The following FBN1 variants were observed in gnomAD, a reference collection of about 807,000 sequenced individuals.
FBN1 encodes the protein fibrillin-1.
Under a neutral mutation model 365.1 loss-of-function variants are expected in FBN1, and 29 were observed. The ratio of observed to expected loss-of-function variants is 0.08; its 90% CI spans 0.06 to 0.11. FBN1 has a LOEUF of 0.11. FBN1 is among the 10% of genes least tolerant of loss of function. FBN1 has a pLI of 1.00. For missense variants in FBN1, 2,476 were observed against 3,703.2 expected, an observed-to-expected ratio of 0.67 and a Z score of 8.60; for synonymous variants, 1,210 against 1,270.5, an observed-to-expected ratio of 0.95 and a Z score of 1.01.
At position 48,420,771 on chromosome 15, in the gene FBN1, G is replaced by A. The variant is rs1483255856; in HGVS notation, c.7735C>T (p.His2579Tyr). Residue 2579 changes from histidine (H) to tyrosine (Y), a missense_variant, in exon 63 of 66, where the codon CAT becomes TAT. His to Tyr is a moderately conservative substitution (Grantham distance 83). Transcript: ENST00000316623. ...CCCCCAATGATGTTCTGGCAGCCAT[G>A]CTGGCAGCGGTGGTTACCCTCACAC... ...DECEGNHRCQ[H>Y]GCQNIIGGYR... 3 of 1,613,970 alleles carry A rather than the reference G, an allele frequency of 1.9e-6. No homozygotes were observed. Among genetic ancestry groups the A allele is most frequent in the Non-Finnish European group, 2.5e-6 (3 of 1,179,998 alleles).
intron 6 of FBN1, among the ~76,000 whole-genome samples, chr15:48,539,655 G>C (rs868052686): frequency 3.9e-5 from 6 of 152,210 alleles, no homozygotes; most frequent in Middle Eastern, 3.4e-3. Flanking sequence ...GTCAAAAATT[G>C]TGTGAGTGAT....
Position 48,454,388 on chromosome 15 carries a change from T to C in FBN1, c.5423-1704A>G, listed in dbSNP as rs7180238. 3.2e-3 allele frequency among the ~76,000 whole-genome samples: 486 copies of C among 152,342 alleles called. 1 individual carries two copies. Among genetic ancestry groups the C allele is most frequent in the African/African-American group, 0.011 (472 of 41,582 alleles). On this transcript the variant is annotated intron_variant, in intron 44 of 65. Transcript: ENST00000316623. The stretch of plus-strand genomic sequence containing the variant: ...TTAAAACAGAAAAGATTTTGGATAA[T>C]GGATATTGTGTGTTCCAGAGTTTTG...
chr15:48,530,739 G>C (rs1178871115), intron 8 of FBN1, among the ~76,000 whole-genome samples: 1 of 152,134 alleles, frequency 6.6e-6, no homozygotes, highest in Admixed American at 6.5e-5. Flanking sequence ...GTAGCCATGA[G>C]ATAAATATGC....
rs573659656 is a variant in FBN1, at chr15:48,547,199, T to C, written c.539-9391A>G. On this transcript the variant is annotated intron_variant, in intron 6 of 65. Coordinates refer to ENST00000316623, the MANE Select transcript of FBN1 (RefSeq NM_000138.5). ...CTTTTTGTGAGCAAGCATTTACTCC[T>C]ATCATATTCAGACATTTATGTATAA... Among the ~76,000 whole-genome samples, 9 of 152,332 alleles carry C rather than the reference T, an allele frequency of 5.9e-5. 1 individual carries two copies. The highest frequency in any genetic ancestry group is 2.2e-4 in the African/African-American group (9 of 41,578).
At chr15:48,581,854 G>T (rs2044394596) in intron 6 of FBN1, among the ~76,000 whole-genome samples, 1 of 152,100 alleles carries the variant, frequency 6.6e-6, no homozygotes, top group African/African-American at 2.4e-5. Flanking sequence ...CCCATAGTCT[G>T]GGCTGACTGA....
Position 48,505,021 on chromosome 15 carries a change from T to C in FBN1, c.1960+4A>G, listed in dbSNP as rs1397362967. The C allele has an allele frequency of 6.2e-7, 1 of 1,614,008 alleles. No individual in the cohort carries two copies. The highest frequency in any genetic ancestry group is 1.7e-5 in the Admixed American group (1 of 60,004). On this transcript the variant is annotated splice_donor_region_variant and intron_variant, in intron 16 of 65. Transcript: ENST00000316623. ...TCATAAGGTTAGCCATGATGTTTTC[T>C]TACCAACACACACACGGCCATCCAG...
chr15:48,519,076 T>G (rs1216293977), intron 10 of FBN1, among the ~76,000 whole-genome samples: 1 of 152,154 alleles, frequency 6.6e-6, no homozygotes, highest in Non-Finnish European at 1.5e-5. Flanking sequence ...GGAATCCACA[T>G]CAAAGCTGCT....
At position 48,514,973 on chromosome 15, in the gene FBN1, G is replaced by A. The variant is rs1026193580; in HGVS notation, c.1468+414C>T. Among the ~76,000 whole-genome samples, 8 of 152,302 alleles carry A rather than the reference G, an allele frequency of 5.3e-5. No individual in the cohort carries two copies. The East Asian group carries it at 1.5e-3, about 29-fold the overall frequency. ...TGATCTTGAGATGGAGAGTCTCCTG[G>A]ATTATACAGGTGGCCAAATGCAGTC... On this transcript the variant is annotated intron_variant, in intron 12 of 65. Transcript: ENST00000316623.
At chr15:48,592,786 T>C (rs1164462170) in intron 6 of FBN1, among the ~76,000 whole-genome samples, 2 of 152,140 alleles carry the variant, frequency 1.3e-5, no homozygotes, top group African/African-American at 4.8e-5. Context: ...GCTAAATGAA[T>C]GAACTTGAGC....
At chr15:48,627,558 G>A (rs971797424) in intron 2 of FBN1, among the ~76,000 whole-genome samples, 4 of 152,174 alleles carry the variant, frequency 2.6e-5, no homozygotes, top group Non-Finnish European at 4.4e-5. Context: ...AAAACCATCA[G>A]GACACGCAGG....
chr15:48,430,639 A>G (rs1304603663), intron 56 of FBN1, 32 bp downstream of exon 56: 14 of 1,612,864 alleles, frequency 8.7e-6, no homozygotes, highest in South Asian at 2.2e-5. Context: ...CTTCTGATGC[A>G]CTCAAAGCTC....
Position 48,460,274 on chromosome 15 carries a change from G to T in FBN1, c.5268C>A (p.Val1756=), listed in dbSNP as rs764685311. 7 of 1,613,656 alleles carry T rather than the reference G, an allele frequency of 4.3e-6. No individual in the cohort carries two copies. In the Middle Eastern group the frequency reaches 5.0e-4, roughly 114 times the overall value. Reference sequence around the variant, plus strand: ...CGGGTAAACCGGTATAAATGTCGATGACAAAGCCTGGCCTTTGACTTCCAC... The same window carrying T: ...CGGGTAAACCGGTATAAATGTCGATTACAAAGCCTGGCCTTTGACTTCCAC... ...TLCGSQRPGF[V]IDIYTGLPVD... is the part of the protein sequence containing the mutation. Residue 1756 remains valine (V), a synonymous_variant, in exon 43 of 66, where the codon GTC becomes GTA. Transcript: ENST00000316623.
At chr15:48,492,386 G>T in intron 24 of FBN1, 75 bp downstream of exon 24, 1 of 1,473,894 alleles carries the variant, frequency 6.8e-7, no homozygotes, top group Non-Finnish European at 9.4e-7. Context: ...TAAGTGCTCA[G>T]CTATATCTTG....
At chr15:48,516,539 C>T (rs1250970456) in intron 10 of FBN1, among the ~76,000 whole-genome samples, 177 bp from the exon 11 acceptor site, 1 of 152,104 alleles carries the variant, frequency 6.6e-6, no homozygotes, top group Admixed American at 6.6e-5. Flanking sequence ...TTTTTAATAC[C>T]TGCAGCAGCA....
chr15:48,509,756 C>T (rs936114706), intron 14 of FBN1, among the ~76,000 whole-genome samples: 2 of 151,770 alleles, frequency 1.3e-5, no homozygotes, highest in African/African-American at 4.8e-5. Flanking sequence ...AAAAAATGTA[C>T]AAATTCTGAT....
At chr15:48,546,503 G>C (rs1472947667) in intron 6 of FBN1, among the ~76,000 whole-genome samples, 1 of 152,154 alleles carries the variant, frequency 6.6e-6, no homozygotes, top group Non-Finnish European at 1.5e-5. Context: ...GGCTTCTCTA[G>C]GATTAAAAGA....
chr15:48,412,116 C>A (rs1289418273), intron 65 of FBN1, among the ~76,000 whole-genome samples: 1 of 152,230 alleles, frequency 6.6e-6, no homozygotes, highest in Non-Finnish European at 1.5e-5. Context: ...GCAAAGGAAA[C>A]CAGGCTGCTT....
At position 48,594,304 on chromosome 15, in the gene FBN1, C is replaced by T. The variant is rs61505618; in HGVS notation, c.538+1979G>A. Among the ~76,000 whole-genome samples, 1,000 of 152,270 alleles carry T rather than the reference C, an allele frequency of 6.6e-3. 11 individuals are homozygous for T. Among genetic ancestry groups the T allele is most frequent in the African/African-American group, 0.023 (965 of 41,544 alleles). The stretch of plus-strand genomic sequence containing the variant: ...GGTAAAACAGGCAGTGGGTAGATGG[C>T]ACTACCCTTCTGCTACTAACGGGCA... On this transcript the variant is annotated intron_variant, in intron 6 of 65. Transcript: ENST00000316623.
At chr15:48,566,465 T>C (rs1481954451) in intron 6 of FBN1, among the ~76,000 whole-genome samples, 1 of 152,196 alleles carries the variant, frequency 6.6e-6, no homozygotes, top group Non-Finnish European at 1.5e-5. Context: ...ACCCCCACCC[T>C]TTCTCTTCAA....
Sources: gnomAD v4.1 joint callset for allele counts (sites outside exome capture counted in the v4.1 genomes callset) on GRCh38, gnomAD v4.1.1 for gene constraint, MANE v1.5 for transcripts, NCBI Gene and HGNC (gene_info 2026-07-23, HGNC 2026-07-21) for gene names.